Variants in UHRF2 observed in about 807,000 individuals in gnomAD.
UHRF2 encodes the protein ubiquitin like with PHD and ring finger domains 2.
Under a neutral mutation model 96.8 loss-of-function variants are expected in UHRF2, and 23 were observed. The observed-to-expected ratio is 0.24, with a 90% confidence interval of 0.17 to 0.34. UHRF2 has a LOEUF of 0.34. Ranked by LOEUF, UHRF2 falls within the 10% of genes least tolerant of loss-of-function variation. The pLI is 1.00. For synonymous variants in UHRF2, 385 were observed against 332.6 expected (o/e 1.16, Z -1.72); for missense variants, 685 against 981.5 (o/e 0.70, Z 4.04).
intron 3 of UHRF2, among the ~76,000 whole-genome samples, chr9:6,438,191 A>C (rs1820963194): frequency 1.3e-5 from 2 of 152,254 alleles, no homozygotes; most frequent in East Asian, 3.8e-4. Context: ...GGGAAGTTTC[A>C]GGATAACCTA....
At chr9:6,433,203 C>G in intron 2 of UHRF2, among the ~76,000 whole-genome samples, 1 of 152,156 alleles carries the variant, frequency 6.6e-6, no homozygotes, top group South Asian at 2.1e-4. Context: ...ACTCTTAATT[C>G]TCTGATACAC....
At chr9:6,425,149 T>C (rs1587768975) in intron 2 of UHRF2, among the ~76,000 whole-genome samples, 1 of 152,198 alleles carries the variant, frequency 6.6e-6, no homozygotes. Flanking sequence ...GGGAAGTTAA[T>C]GTACTTCACT....
chr9:6,423,772 C>T (rs979119151), intron 2 of UHRF2, among the ~76,000 whole-genome samples: 6 of 151,640 alleles, frequency 4.0e-5, no homozygotes, highest in East Asian at 3.9e-4. Flanking sequence ...GGTGAAACCC[C>T]GTCTCCACTA....
chr9:6,413,750 C>T (rs527928605), intron 1 of UHRF2, 107 bp downstream of exon 1: 2 of 1,275,914 alleles, frequency 1.6e-6, no homozygotes, highest in East Asian at 3.2e-5. Context: ...CAGGGCTCAC[C>T]TGGCTCCGCT....
intron 4 of UHRF2, 91 bp from the exon 5 acceptor site, chr9:6,475,300 T>C: frequency 1.5e-6 from 1 of 645,400 alleles, no homozygotes; most frequent in Non-Finnish European, 2.5e-6. Context: ...TAGACAGATT[T>C]CAGTGAGATT....
At chr9:6,429,146 C>T (rs1820434307) in intron 2 of UHRF2, among the ~76,000 whole-genome samples, 1 of 149,054 alleles carries the variant, frequency 6.7e-6, no homozygotes, top group Non-Finnish European at 1.5e-5. Flanking sequence ...GCCTGGGCAA[C>T]AGAGCAAGAC....
intron 3 of UHRF2, among the ~76,000 whole-genome samples, chr9:6,451,797 G>GTTGTTGTTGTTT (rs1030431541): frequency 5.4e-5 from 8 of 148,472 alleles, no homozygotes; most frequent in South Asian, 2.1e-4. Flanking sequence ...TGTTGTTGTT[G>GTTGTTGTTGTTT]TTTTTGAGAC....
Position 6,458,161 on chromosome 9 carries a change from G to A in UHRF2, c.645-2412G>A, listed in dbSNP as rs143953841. 3.6e-4 allele frequency among the ~76,000 whole-genome samples: 55 copies of A among 152,118 alleles called. No homozygotes were observed. The East Asian group carries it at 6.8e-3, about 19-fold the overall frequency. On this transcript the variant is annotated intron_variant, in intron 3 of 15. Transcript: ENST00000276893. Reference sequence around the variant, plus strand: ...CCTAGGCTTTTTTTGGTTGGAACTTGTTATTGGTCTCAATTTCGGAACTTG... The same window carrying A: ...CCTAGGCTTTTTTTGGTTGGAACTTATTATTGGTCTCAATTTCGGAACTTG...
At chr9:6,479,512 G>A (rs1399654963) in intron 6 of UHRF2, among the ~76,000 whole-genome samples, 1 of 152,056 alleles carries the variant, frequency 6.6e-6, no homozygotes. Flanking sequence ...TTCTATGCTA[G>A]GGAACTATGC....
In UHRF2 at chr9:6,493,876, T is replaced by C. The variant is rs780753060; in HGVS notation, c.1548T>C (p.Ala516=). 3 of 1,613,988 alleles carry C rather than the reference T, an allele frequency of 1.9e-6. No individual in the cohort carries two copies. Among genetic ancestry groups the C allele is most frequent in the Non-Finnish European group, 2.5e-6 (3 of 1,179,952 alleles). The change falls in exon 10 of 16, where the codon GCT becomes GCC. Residue 516 remains alanine, a synonymous_variant. Coordinates refer to ENST00000276893, the MANE Select transcript of UHRF2 (RefSeq NM_152896.3). ...CTGGAAGCGGTGGTAAAAATCTTGC[T>C]GGTAACAAAAGAATTGGTGCACCTT... ...TYTGSGGKNL[A]GNKRIGAPSA...
intron 4 of UHRF2, chr9:6,468,631 A>C (rs1427334154): frequency 4.4e-6 from 2 of 455,972 alleles, no homozygotes; most frequent in Non-Finnish European, 8.8e-6. Flanking sequence ...GGGATGCCTC[A>C]AGCATATGGC....
At chr9:6,430,286 A>G (rs540576872) in intron 2 of UHRF2, among the ~76,000 whole-genome samples, 1 of 152,212 alleles carries the variant, frequency 6.6e-6, no homozygotes, top group Non-Finnish European at 1.5e-5. Context: ...CTGGGATTAC[A>G]GGCGTGAGCC....
At chr9:6,428,350 C>A (rs1820372452) in intron 2 of UHRF2, among the ~76,000 whole-genome samples, 1 of 152,016 alleles carries the variant, frequency 6.6e-6, no homozygotes, top group African/African-American at 2.4e-5. Context: ...GATTATAACT[C>A]CCTCTTCCCT....
chr9:6,505,141 T>G (rs1043466864), intron 15 of UHRF2, among the ~76,000 whole-genome samples: 15 of 152,198 alleles, frequency 9.9e-5, no homozygotes, highest in Non-Finnish European at 2.1e-4. Flanking sequence ...AATCTTGCTC[T>G]ACCCAGTGGT....
chr9:6,434,460 A>G (rs762094857), intron 3 of UHRF2: 6 of 255,866 alleles, frequency 2.3e-5, no homozygotes, highest in Non-Finnish European at 4.5e-5. Flanking sequence ...TTTTTTTGAG[A>G]TGGTCTCTCT....
At chr9:6,477,949 T>C (rs1483595912) in intron 6 of UHRF2, 141 bp downstream of exon 6, 2 of 679,242 alleles carry the variant, frequency 2.9e-6, no homozygotes, top group African/African-American at 3.6e-5. Context: ...TTAGCATTCA[T>C]AGCTCTATTC....
At chr9:6,459,195 A>T (rs1331714665) in intron 3 of UHRF2, among the ~76,000 whole-genome samples, 1 of 152,240 alleles carries the variant, frequency 6.6e-6, no homozygotes, top group Non-Finnish European at 1.5e-5. Context: ...CTGCACAGGT[A>T]TCCAAGAACT....
intron 2 of UHRF2, among the ~76,000 whole-genome samples, chr9:6,429,058 A>G (rs1301504052): frequency 6.6e-6 from 1 of 152,092 alleles, no homozygotes; most frequent in African/African-American, 2.4e-5. Context: ...CCAGCTACTC[A>G]GGAGGCTGAA....
Position 6,413,460 on chromosome 9 carries a change from A to C in UHRF2, c.-31A>C. On this transcript the variant is annotated 5_prime_UTR_variant, in exon 1 of 16. Transcript: ENST00000276893. ...CGGCGCCCAGAGCTCAGGGGGAGAC[A>C]AAGGGGACCGGTTCCTCTCTAGGCG... 9 of 1,487,174 alleles carry C rather than the reference A, an allele frequency of 6.1e-6. No individual in the cohort carries two copies. Among genetic ancestry groups the C allele is most frequent in the Non-Finnish European group, 7.2e-6 (8 of 1,107,380 alleles). 92.1% of individuals were successfully genotyped at this position (1,487,174 alleles called of 1,614,324 possible).
Sources: gnomAD v4.1 joint callset for allele counts (sites outside exome capture counted in the v4.1 genomes callset) on GRCh38, gnomAD v4.1.1 for gene constraint, MANE v1.5 for transcripts, NCBI Gene and HGNC (gene_info 2026-07-23, HGNC 2026-07-21) for gene names.